The following MYO1H variants were observed in gnomAD, a reference collection of about 807,000 sequenced individuals.
The protein encoded by MYO1H is myosin IH, also known as unconventional myosin-Ih.
In MYO1H, 118 loss-of-function variants were observed where a neutral mutation model predicts 149.3. The observed-to-expected ratio is 0.79, with a 90% CI of 0.68 to 0.92. The LOEUF (loss-of-function observed/expected upper bound fraction) is 0.92, where lower values mean the gene tolerates loss of function less well. Among genes scored for constraint, MYO1H ranks in the 40% least tolerant of loss-of-function variants. MYO1H has a pLI of 0.00. For missense variants in MYO1H, 1,212 were observed against 1,280.7 expected (o/e 0.95, Z 0.82); for synonymous variants, 447 against 465.2 (o/e 0.96, Z 0.50).
In MYO1H at chr12:109,387,688, G is replaced by T. The variant is rs117103502; in HGVS notation, c.13-995G>T. On this transcript the variant is annotated intron_variant, in intron 1 of 31. Transcript: ENST00000310903. ...TGGGGGGGACACACACTAACCGTGT[G>T]CCCAGAGCACATAGTCTCTCAGTGA... Among the ~76,000 whole-genome samples the T allele has an allele frequency of 5.1e-4, 78 of 152,256 alleles. 1 individual carries two copies. The East Asian group carries it at 6.0e-3, about 12-fold the overall frequency.
intron 1 of MYO1H, among the ~76,000 whole-genome samples, chr12:109,378,336 T>C (rs979628872): frequency 2.6e-5 from 4 of 152,094 alleles, no homozygotes; most frequent in African/African-American, 9.7e-5. Flanking sequence ...TATTTATTTT[T>C]TTGAGATAAG....
chr12:109,388,729 C>A (rs548092851), exon 2 of MYO1H: 3 of 1,609,290 alleles, frequency 1.9e-6, no homozygotes, highest in Non-Finnish European at 2.5e-6. Context: ...ATGGAAGGGG[C>A]GCTGACTGCC....
chr12:109,447,363 G>A (rs1872528802), exon 32 of MYO1H: 1 of 643,760 alleles, frequency 1.6e-6, no homozygotes. Context: ...CTCCTCAGCT[G>A]CCCCATGGCA....
chr12:109,406,074 T>C, intron 8 of MYO1H, 39 bp downstream of exon 8: 3 of 1,459,258 alleles, frequency 2.1e-6, no homozygotes, highest in Non-Finnish European at 2.9e-6. Flanking sequence ...AGGAGGGGGA[T>C]GGGTGGGAGA....
intron 18 of MYO1H, among the ~76,000 whole-genome samples, chr12:109,427,099 TAAG>T (rs1871379688): frequency 6.6e-6 from 1 of 152,126 alleles, no homozygotes; most frequent in South Asian, 2.1e-4. Flanking sequence ...GTGGATCACC[TAAG>T]GTCAAGAGTT....
intron 15 of MYO1H, among the ~76,000 whole-genome samples, chr12:109,417,632 G>A (rs1870981652): frequency 6.6e-6 from 1 of 152,002 alleles, no homozygotes; most frequent in Admixed American, 6.6e-5. Flanking sequence ...CCGCCTATAT[G>A]TGGTGTTCTT....
At chr12:109,333,424 G>A in the MYO1H span, among the ~76,000 whole-genome samples, 46 of 152,148 alleles carry the variant, frequency 3.0e-4, no homozygotes, top group Middle Eastern at 3.4e-3. Context: ...GCCTTCTCTT[G>A]CTTGTTTGTG....
In MYO1H at chr12:109,365,520, G is replaced by A. The variant is rs375206585; in HGVS notation, c.12+17548G>A. Among the ~76,000 whole-genome samples the A allele has an allele frequency of 2.0e-5, 3 of 152,206 alleles. No homozygotes were observed. In the East Asian group the frequency reaches 5.8e-4, roughly 29 times the overall value. ...CCTCCCTCGGACACTTGGAGCCTCA[G>A]TGGAGGTGGTGAGCTTGGTTGGAGG... On this transcript the variant is annotated intron_variant, in intron 1 of 31. Transcript: ENST00000310903.
chr12:109,361,417 A>T (rs1051655888), intron 1 of MYO1H, among the ~76,000 whole-genome samples: 1 of 152,162 alleles, frequency 6.6e-6, no homozygotes, highest in Admixed American at 6.5e-5. Flanking sequence ...CCCCCAAAAA[A>T]ACTTAAAAAA....
upstream of MYO1H, among the ~76,000 whole-genome samples, chr12:109,345,851 A>T (rs2048101082): frequency 6.6e-6 from 1 of 152,236 alleles, no homozygotes; most frequent in African/African-American, 2.4e-5. Context: ...CAGTCATGAA[A>T]GGTCACATAT....
the MYO1H span, among the ~76,000 whole-genome samples, chr12:109,333,584 G>A: frequency 1.3e-5 from 2 of 152,078 alleles, no homozygotes; most frequent in South Asian, 2.1e-4. Context: ...ACAGGAACAC[G>A]TGACTGTGGC....
chr12:109,438,028 C>T (rs1398501148), intron 22 of MYO1H, among the ~76,000 whole-genome samples: 1 of 141,424 alleles, frequency 7.1e-6, no homozygotes, highest in Non-Finnish European at 1.5e-5. Flanking sequence ...GCAGAGGTTG[C>T]AGTGAACCAA....
In MYO1H at chr12:109,386,075, T is replaced by A. The variant is rs1477518286; in HGVS notation, c.13-2608T>A. 3.9e-5 allele frequency among the ~76,000 whole-genome samples: 6 copies of A among 152,222 alleles called. 1 individual carries two copies. In the South Asian group the frequency reaches 6.2e-4, roughly 16 times the overall value. ...TCTGATTTTTCACTGTGGATTAGTT[T>A]TGCTTGTCCCAGTGTGCCATATCAA... On this transcript the variant is annotated intron_variant, in intron 1 of 31. Coordinates refer to ENST00000310903, the Ensembl canonical transcript of MYO1H.
chr12:109,339,192 C>G, the MYO1H span, among the ~76,000 whole-genome samples: 1 of 152,102 alleles, frequency 6.6e-6, no homozygotes, highest in South Asian at 2.1e-4. Flanking sequence ...TGGTGAAACA[C>G]TGTCTCTACT....
At chr12:109,444,612 A>C (rs2135613949) in intron 30 of MYO1H, 83 bp downstream of exon 30, 1 of 1,074,838 alleles carries the variant, frequency 9.3e-7, no homozygotes, top group Non-Finnish European at 1.4e-6. Context: ...CATGCCTATA[A>C]TCCCAGCACT....
chr12:109,313,773 A>T, the MYO1H span, among the ~76,000 whole-genome samples: 16 of 150,112 alleles, frequency 1.1e-4, no homozygotes, highest in African/African-American at 3.9e-4. Context: ...TTGCAAGAGC[A>T]TTTTTTTTTT....
chr12:109,318,355 G>A, the MYO1H span, among the ~76,000 whole-genome samples: 1 of 152,040 alleles, frequency 6.6e-6, no homozygotes, highest in Non-Finnish European at 1.5e-5. Context: ...AGGAGGTAGA[G>A]GCTAATTTTC....
At chr12:109,431,479 A>G (rs564478744) in intron 19 of MYO1H, among the ~76,000 whole-genome samples, 2 of 152,336 alleles carry the variant, frequency 1.3e-5, no homozygotes, top group South Asian at 2.1e-4. Flanking sequence ...GGGACTAAAT[A>G]CCTAGTGTGT....
the MYO1H span, among the ~76,000 whole-genome samples, chr12:109,319,084 A>C: frequency 2.6e-5 from 4 of 151,242 alleles, no homozygotes; most frequent in African/African-American, 9.7e-5. Context: ...CGTATACCCA[A>C]AACAATGGAA....
Sources: allele counts gnomAD v4.1 joint callset (sites outside exome capture counted in the v4.1 genomes callset), GRCh38; gene constraint gnomAD v4.1.1; transcripts MANE v1.5; gene names NCBI Gene and HGNC (gene_info 2026-07-23, HGNC 2026-07-21).